SLC25A21: variants seen among roughly 807,000 people sequenced by gnomAD.
The protein encoded by SLC25A21 is solute carrier family 25 member 21, also known as mitochondrial 2-oxodicarboxylate carrier.
In SLC25A21, 47 loss-of-function variants were observed where a neutral mutation model predicts 43.8. The ratio of observed to expected loss-of-function variants is 1.07; its 90% CI spans 0.85 to 1.37. The LOEUF is 1.37. Among genes scored for constraint, SLC25A21 ranks in the 40% most tolerant of loss-of-function variants. SLC25A21 has a pLI of 0.00. For synonymous variants in SLC25A21, 131 were observed against 121.3 expected (o/e 1.08, Z -0.52); for missense variants, 352 against 350.2 (o/e 1.00, Z -0.04).
At chr14:37,081,944 A>G (rs1962396986) in intron 1 of SLC25A21, among the ~76,000 whole-genome samples, 1 of 152,228 alleles carries the variant, frequency 6.6e-6, no homozygotes, top group South Asian at 2.1e-4. Flanking sequence ...TTGATAGAAA[A>G]CTGTATAACC....
Position 36,710,298 on chromosome 14 carries a change from C to T in SLC25A21, c.603+1020G>A, listed in dbSNP as rs138163851. The stretch of plus-strand genomic sequence containing the variant: ...TGGTGCAGGAGAATTGCTTGAACTC[C>T]GGAGGCGGAGGTTGCAGTGAACTGA... On this transcript the variant is annotated intron_variant, in intron 7 of 9. Coordinates refer to ENST00000331299, the MANE Select transcript of SLC25A21 (RefSeq NM_030631.4). 3.6e-3 allele frequency among the ~76,000 whole-genome samples: 539 copies of T among 151,464 alleles called. 2 individuals carry two copies. Among genetic ancestry groups the T allele is most frequent in the African/African-American group, 0.011 (470 of 41,286 alleles).
intron 1 of SLC25A21, among the ~76,000 whole-genome samples, chr14:37,128,538 C>CTCTCTGTG (rs1555348857): frequency 0.012 from 1,470 of 122,748 alleles, 14 homozygotes; most frequent in Non-Finnish European, 0.016. Context: ...CTCTCTCTCT[C>CTCTCTGTG]TGTGTGTGTG....
chr14:36,813,962 A>G lies in SLC25A21; in HGVS notation c.159T>C (p.Tyr53=), dbSNP rs185154903. Residue 53 remains tyrosine (Y), a synonymous_variant, in exon 3 of 10, where the codon TAT becomes TAC. Transcript: ENST00000331299. The part of the protein sequence containing the change: ...IQRCATDPNS[Y]KSLVDSFRMI... ...TTCGAAAGCTGTCTACCAAGCTTTT[A>G]TAACTGTTTGGATCGGTTGCACATC... is the stretch of plus-strand genomic sequence containing the variant. 6.2e-7 allele frequency: 1 copy of G among 1,610,476 alleles called. No individual in the cohort carries two copies. Among genetic ancestry groups the G allele is most frequent in the African/African-American group, 1.3e-5 (1 of 74,908 alleles).
intron 1 of SLC25A21, among the ~76,000 whole-genome samples, chr14:37,082,463 AAGAG>A (rs1962406520): frequency 6.6e-6 from 1 of 152,218 alleles, no homozygotes; most frequent in Non-Finnish European, 1.5e-5. Flanking sequence ...CATTTTTAAA[AAGAG>A]AGAGTGGGCT....
At chr14:36,707,104 G>GCT (rs777924418) in intron 7 of SLC25A21, among the ~76,000 whole-genome samples, 33 of 152,168 alleles carry the variant, frequency 2.2e-4, no homozygotes, top group Admixed American at 5.2e-4. Context: ...AAGGTACCCA[G>GCT]CTCTCTCTCT....
intron 1 of SLC25A21, among the ~76,000 whole-genome samples, chr14:37,138,297 C>T (rs569227535): frequency 6.6e-6 from 1 of 152,228 alleles, no homozygotes; most frequent in East Asian, 1.9e-4. Context: ...TTTTACTTAC[C>T]TCGATTAAAG....
At chr14:37,009,151 TA>T (rs1279250686) in intron 1 of SLC25A21, among the ~76,000 whole-genome samples, 2 of 152,164 alleles carry the variant, frequency 1.3e-5, no homozygotes, top group Non-Finnish European at 2.9e-5. Flanking sequence ...TCATTTATCT[TA>T]TTAATAGGCT....
At chr14:37,024,946 C>A (rs983771931) in intron 1 of SLC25A21, among the ~76,000 whole-genome samples, 2 of 151,886 alleles carry the variant, frequency 1.3e-5, no homozygotes, top group African/African-American at 4.8e-5. Flanking sequence ...TTATAAACAA[C>A]GATTTAGTTG....
intron 3 of SLC25A21, among the ~76,000 whole-genome samples, chr14:36,778,752 A>C (rs1037107091): frequency 1.3e-5 from 2 of 152,226 alleles, no homozygotes. Context: ...TGATACAGGT[A>C]TATATTGTGA....
At chr14:36,817,642 T>G (rs1251979666) in intron 2 of SLC25A21, among the ~76,000 whole-genome samples, 1 of 152,168 alleles carries the variant, frequency 6.6e-6, no homozygotes, top group East Asian at 1.9e-4. Flanking sequence ...GCTCAGCACT[T>G]CGGCTACCTC....
chr14:36,783,867 A>G (rs756671211), intron 3 of SLC25A21, among the ~76,000 whole-genome samples: 17 of 152,152 alleles, frequency 1.1e-4, no homozygotes, highest in Non-Finnish European at 2.2e-4. Context: ...AGTCAGTGTG[A>G]ATTAATGCAA....
chr14:36,901,606 A>G (rs1476793823), intron 1 of SLC25A21, among the ~76,000 whole-genome samples: 2 of 152,178 alleles, frequency 1.3e-5, no homozygotes, highest in Non-Finnish European at 2.9e-5. Context: ...AAGAAAACAT[A>G]AAAATATTAT....
intron 1 of SLC25A21, among the ~76,000 whole-genome samples, chr14:36,894,662 T>C (rs1891184414): frequency 6.6e-6 from 1 of 152,150 alleles, no homozygotes; most frequent in Non-Finnish European, 1.5e-5. Context: ...TTCAGTACGA[T>C]ATTGGCTGTG....
chr14:36,772,853 A>G (rs1238058381), intron 3 of SLC25A21, among the ~76,000 whole-genome samples: 1 of 152,222 alleles, frequency 6.6e-6, no homozygotes, highest in Non-Finnish European at 1.5e-5. Flanking sequence ...GGTAACAATC[A>G]ATAACTACAT....
chr14:37,009,630 T>C (rs1362326591), intron 1 of SLC25A21, among the ~76,000 whole-genome samples: 3 of 152,216 alleles, frequency 2.0e-5, no homozygotes, highest in African/African-American at 4.8e-5. Context: ...TCTGAAGTAG[T>C]GCGTAGTGTT....
chr14:36,990,969 T>C (rs1356009416), intron 1 of SLC25A21, among the ~76,000 whole-genome samples: 3 of 152,192 alleles, frequency 2.0e-5, no homozygotes, highest in African/African-American at 7.2e-5. Flanking sequence ...CTTGGAGTTC[T>C]TACTTTCATG....
At chr14:37,129,573 C>A (rs1009225220) in intron 1 of SLC25A21, among the ~76,000 whole-genome samples, 1 of 151,782 alleles carries the variant, frequency 6.6e-6, no homozygotes, top group Non-Finnish European at 1.5e-5. Flanking sequence ...AGGATTGATC[C>A]TAGATAGAGG....
chr14:36,759,965 T>TA (rs1024886892), intron 3 of SLC25A21, among the ~76,000 whole-genome samples: 55 of 149,272 alleles, frequency 3.7e-4, no homozygotes, highest in South Asian at 8.5e-4. Context: ...AGACTCCATC[T>TA]AAAAAAAAAA....
chr14:37,082,050 C>T (rs1190477800), intron 1 of SLC25A21, among the ~76,000 whole-genome samples: 1 of 152,088 alleles, frequency 6.6e-6, no homozygotes, highest in Non-Finnish European at 1.5e-5. Context: ...ACTATACAGT[C>T]ACAAAAAAGG....
Sources: gnomAD v4.1 joint callset for allele counts (sites outside exome capture counted in the v4.1 genomes callset) on GRCh38, gnomAD v4.1.1 for gene constraint, MANE v1.5 for transcripts, NCBI Gene and HGNC (gene_info 2026-07-23, HGNC 2026-07-21) for gene names.